The following ACOXL variants were observed in gnomAD, a reference collection of about 807,000 sequenced individuals.
ACOXL encodes acyl-CoA oxidase like.
ACOXL carries 70 observed loss-of-function variants against 71.9 expected under a neutral mutation model. That is an observed-to-expected ratio of 0.97 (90% CI 0.80 to 1.19). The LOEUF (loss-of-function observed/expected upper bound fraction) is 1.19, where lower values mean the gene tolerates loss of function less well. Ranked by LOEUF, ACOXL falls within the 50% of genes most tolerant of loss-of-function variation. The pLI, the probability that ACOXL is intolerant of heterozygous loss-of-function variation, is 0.00. For missense variants in ACOXL, 703 were observed against 736.3 expected (o/e 0.95, Z 0.52); for synonymous variants, 253 against 281.6 (o/e 0.90, Z 1.02).
At chr2:110,834,291 C>T (rs892256041) in intron 9 of ACOXL, among the ~76,000 whole-genome samples, 1 of 152,232 alleles carries the variant, frequency 6.6e-6, no homozygotes, top group South Asian at 2.1e-4. Flanking sequence ...ACAGAATCCA[C>T]AGCCATTGTC....
At chr2:110,931,987 GT>G (rs2060493134) in intron 11 of ACOXL, among the ~76,000 whole-genome samples, 1 of 152,196 alleles carries the variant, frequency 6.6e-6, no homozygotes, top group African/African-American at 2.4e-5. Flanking sequence ...TTTCATAACA[GT>G]TTTATTTGCA....
intron 16 of ACOXL, among the ~76,000 whole-genome samples, chr2:111,061,770 A>C (rs188330752): frequency 9.9e-5 from 15 of 152,282 alleles, no homozygotes; most frequent in Admixed American, 2.0e-4. Flanking sequence ...CTGTTGATGC[A>C]CGTAGACCAT....
intron 2 of ACOXL, among the ~76,000 whole-genome samples, chr2:110,774,126 T>G (rs1034290241): frequency 1.3e-5 from 2 of 152,234 alleles, no homozygotes; most frequent in Non-Finnish European, 2.9e-5. Flanking sequence ...TCTCGCTACC[T>G]TTTGCTAAGT....
At chr2:110,819,755 A>G (rs1169785362) in intron 9 of ACOXL, among the ~76,000 whole-genome samples, 4 of 152,206 alleles carry the variant, frequency 2.6e-5, no homozygotes, top group Admixed American at 1.3e-4. Flanking sequence ...GACCTTCACA[A>G]GGTAGCCAAT....
chr2:110,931,394 A>G (rs1284646299), intron 11 of ACOXL, among the ~76,000 whole-genome samples: 2 of 152,204 alleles, frequency 1.3e-5, no homozygotes, highest in African/African-American at 2.4e-5. Context: ...ATGGGGAATC[A>G]TGTATACATT....
chr2:110,838,606 G>A (rs1429927569), intron 9 of ACOXL, among the ~76,000 whole-genome samples: 2 of 152,186 alleles, frequency 1.3e-5, no homozygotes, highest in African/African-American at 4.8e-5. Flanking sequence ...ATGAGGAAGA[G>A]CAGGCATACA....
At chr2:110,768,259 A>G in intron 1 of ACOXL, 109 bp from the exon 2 acceptor site, 1 of 780,858 alleles carries the variant, frequency 1.3e-6, no homozygotes, top group Non-Finnish European at 2.2e-6. Context: ...GTATCAAACA[A>G]GCATTACAAT....
In ACOXL at chr2:110,882,595, A is replaced by G. The variant is rs76953969; in HGVS notation, c.789-26194A>G. 4.3e-3 allele frequency among the ~76,000 whole-genome samples: 655 copies of G among 152,206 alleles called. 3 individuals carry two copies. The highest frequency in any genetic ancestry group is 6.8e-3 in the Middle Eastern group (2 of 294). ...ATCTTTTGTTTATTTTCTAGAATTT[A>G]TATAGTTTTAGGTTTTACATTTAAG... On this transcript the variant is annotated intron_variant, in intron 10 of 17. Transcript: ENST00000439055.
intron 9 of ACOXL, among the ~76,000 whole-genome samples, chr2:110,819,543 G>A (rs1368639663): frequency 1.3e-5 from 2 of 152,140 alleles, no homozygotes; most frequent in African/African-American, 4.8e-5. Flanking sequence ...GGATTATGGG[G>A]AATGCAAGAG....
At chr2:110,892,087 A>G (rs2149151127) in intron 10 of ACOXL, among the ~76,000 whole-genome samples, 1 of 152,170 alleles carries the variant, frequency 6.6e-6, no homozygotes. Flanking sequence ...GGCATAATAC[A>G]TTGTTAATTT....
intron 14 of ACOXL, among the ~76,000 whole-genome samples, chr2:111,019,166 C>G (rs1028914404): frequency 6.6e-6 from 1 of 152,166 alleles, no homozygotes; most frequent in African/African-American, 2.4e-5. Flanking sequence ...TCTAGCTGAC[C>G]GTACTCCAAA....
chr2:110,758,410 T>C (rs1679975442), intron 1 of ACOXL, among the ~76,000 whole-genome samples: 1 of 152,196 alleles, frequency 6.6e-6, no homozygotes, highest in South Asian at 2.1e-4. Context: ...TTAAAATGAT[T>C]TTTTCTAATT....
chr2:110,737,801 C>T (rs1677052444), intron 1 of ACOXL, among the ~76,000 whole-genome samples: 1 of 152,222 alleles, frequency 6.6e-6, no homozygotes, highest in Admixed American at 6.5e-5. Context: ...GTCTTCACCA[C>T]CCCCTTGGGA....
At chr2:110,751,247 G>C (rs1233777112) in intron 1 of ACOXL, among the ~76,000 whole-genome samples, 2 of 147,330 alleles carry the variant, frequency 1.4e-5, no homozygotes, top group Non-Finnish European at 3.0e-5. Context: ...CTTGCAGTGA[G>C]CCGAGATCGT....
At chr2:111,068,491 C>T (rs1184346598) in intron 16 of ACOXL, among the ~76,000 whole-genome samples, 2 of 152,212 alleles carry the variant, frequency 1.3e-5, no homozygotes, top group Non-Finnish European at 2.9e-5. Flanking sequence ...TCTTAAGCTG[C>T]TCTGCATAGG....
At chr2:110,803,971 A>G (rs1016773494) in intron 8 of ACOXL, among the ~76,000 whole-genome samples, 2 of 150,302 alleles carry the variant, frequency 1.3e-5, no homozygotes, top group Non-Finnish European at 3.0e-5. Flanking sequence ...ACCACTCTGC[A>G]CCTACTAGGA....
intron 16 of ACOXL, among the ~76,000 whole-genome samples, chr2:111,059,170 G>T (rs556279849): frequency 1.7e-4 from 26 of 152,308 alleles, no homozygotes; most frequent in African/African-American, 6.0e-4. Flanking sequence ...CTAGAAATTT[G>T]AGGTTACATT....
At chr2:110,768,806 G>A (rs1438111889) in intron 2 of ACOXL, among the ~76,000 whole-genome samples, 1 of 151,892 alleles carries the variant, frequency 6.6e-6, no homozygotes, top group Non-Finnish European at 1.5e-5. Context: ...TGCGGTATTT[G>A]GTTTTCTGTT....
intron 17 of ACOXL, among the ~76,000 whole-genome samples, chr2:111,105,364 C>G (rs2069464163): frequency 6.6e-6 from 1 of 152,034 alleles, no homozygotes; most frequent in Non-Finnish European, 1.5e-5. Flanking sequence ...ATATTTACAA[C>G]AAATCTTTCT....
Sources: gnomAD v4.1 joint callset for allele counts (sites outside exome capture counted in the v4.1 genomes callset) on GRCh38, gnomAD v4.1.1 for gene constraint, MANE v1.5 for transcripts, NCBI Gene and HGNC (gene_info 2026-07-23, HGNC 2026-07-21) for gene names.